Variants in DGKI observed in about 807,000 individuals in gnomAD.
DGKI encodes the protein diacylglycerol kinase iota.
A neutral mutation model predicts 147.5 loss-of-function variants in DGKI; 55 were observed. The observed-to-expected ratio is 0.37, with a 90% confidence interval of 0.30 to 0.47. The LOEUF (loss-of-function observed/expected upper bound fraction) is 0.47. DGKI is among the 20% of genes least tolerant of loss of function. The pLI is 1.00. For missense variants in DGKI, 1,007 were observed against 1,323.8 expected, an observed-to-expected ratio of 0.76 and a Z score of 3.71; for synonymous variants, 469 against 477.1, an observed-to-expected ratio of 0.98 and a Z score of 0.22.
intron 23 of DGKI, among the ~76,000 whole-genome samples, chr7:137,483,372 T>C (rs939355548): frequency 2.6e-5 from 4 of 152,166 alleles, no homozygotes; most frequent in Admixed American, 2.0e-4. Context: ...AATATCCTCA[T>C]AGTCTTATAA....
chr7:137,618,151 A>ATATATATATTT lies in DGKI; in HGVS notation c.993+1672_993+1673insAAATATATATA. Among the ~76,000 whole-genome samples, 30 of 10,462 alleles carry ATATATATATTT rather than the reference A, an allele frequency of 2.9e-3. 2 individuals are homozygous for ATATATATATTT. Among genetic ancestry groups the ATATATATATTT allele is most frequent in the African/African-American group, 3.1e-3 (25 of 8,006 alleles). The allele number at this position is 10,462 out of a possible 152,430, so 6.9% of individuals were successfully genotyped here. A position where few individuals can be genotyped will look rare whatever the true frequency, so the allele number is the denominator to read the frequency against. ...ACTATATATATATATATATATATAT[A>ATATATATATTT]TTTTTTTTTTTTTACTCTATCATTC... On this transcript the variant is annotated intron_variant, in intron 8 of 32. Coordinates refer to ENST00000614521, the MANE Select transcript of DGKI (RefSeq NM_001321708.2).
intron 3 of DGKI, among the ~76,000 whole-genome samples, chr7:137,678,176 C>A (rs918749132): frequency 6.6e-6 from 1 of 152,108 alleles, no homozygotes; most frequent in Non-Finnish European, 1.5e-5. Flanking sequence ...ACTGTGGCCA[C>A]TTCCCTACAG....
chr7:137,559,544 AT>A lies in DGKI; in HGVS notation c.1948-6977del, dbSNP rs563109409. Among the ~76,000 whole-genome samples, 470 of 152,308 alleles carry A rather than the reference AT, an allele frequency of 3.1e-3. 4 individuals are homozygous for A. The highest frequency in any genetic ancestry group is 0.011 in the African/African-American group (449 of 41,550). ...ACCTCCCTTCTGCAAATTAAAAAAA[AT>A]AGTAGCAATTATTGCATACTTACTA... On this transcript the variant is annotated intron_variant, in intron 19 of 32. Transcript: ENST00000614521.
intron 28 of DGKI, among the ~76,000 whole-genome samples, chr7:137,427,432 C>T (rs1812864473): frequency 6.6e-6 from 1 of 151,956 alleles, no homozygotes; most frequent in Non-Finnish European, 1.5e-5. Flanking sequence ...GCACTAAATG[C>T]CCACAAGAGA....
intron 1 of DGKI, among the ~76,000 whole-genome samples, chr7:137,700,094 A>G (rs1303803123): frequency 3.3e-5 from 5 of 152,206 alleles, no homozygotes; most frequent in African/African-American, 1.2e-4. Context: ...TGTCAGGCCT[A>G]GGCACAATGG....
chr7:137,599,234 A>G (rs1346824028), intron 11 of DGKI, among the ~76,000 whole-genome samples: 2 of 152,156 alleles, frequency 1.3e-5, no homozygotes, highest in African/African-American at 4.8e-5. Context: ...GTCACCTACA[A>G]TCTAGACTTT....
intron 1 of DGKI, among the ~76,000 whole-genome samples, chr7:137,696,080 G>A (rs1823770643): frequency 1.3e-5 from 2 of 152,150 alleles, no homozygotes; most frequent in African/African-American, 4.8e-5. Context: ...CTAGGTACAT[G>A]GTAAATCTCT....
intron 3 of DGKI, among the ~76,000 whole-genome samples, chr7:137,667,686 C>T (rs1822689396): frequency 6.6e-6 from 1 of 152,152 alleles, no homozygotes; most frequent in Non-Finnish European, 1.5e-5. Context: ...CGATATCAAG[C>T]TGTGGTAAGT....
chr7:137,458,728 T>G (rs1183091250), intron 27 of DGKI, among the ~76,000 whole-genome samples: 1 of 152,234 alleles, frequency 6.6e-6, no homozygotes, highest in East Asian at 1.9e-4. Context: ...CAAATAGATT[T>G]GGTCTGCTAA....
chr7:137,835,130 T>C (rs564849863), intron 1 of DGKI, among the ~76,000 whole-genome samples: 2 of 152,344 alleles, frequency 1.3e-5, no homozygotes, highest in South Asian at 2.1e-4. Context: ...TTTTGTTCTA[T>C]ACCATGTCAT....
At chr7:137,500,244 C>T (rs1255936013) in intron 21 of DGKI, among the ~76,000 whole-genome samples, 2 of 152,164 alleles carry the variant, frequency 1.3e-5, no homozygotes, top group Non-Finnish European at 2.9e-5. Context: ...CATTAACCCT[C>T]TTTCCCTATT....
At chr7:137,748,973 G>A (rs1331666951) in intron 1 of DGKI, among the ~76,000 whole-genome samples, 1 of 152,138 alleles carries the variant, frequency 6.6e-6, no homozygotes, top group Non-Finnish European at 1.5e-5. Context: ...TTAGTATCGT[G>A]CCTTATAGAC....
chr7:137,522,796 T>C (rs1817008819), intron 20 of DGKI, among the ~76,000 whole-genome samples: 1 of 152,130 alleles, frequency 6.6e-6, no homozygotes, highest in African/African-American at 2.4e-5. Flanking sequence ...ATAATTTGGT[T>C]TTCATCACCA....
chr7:137,734,522 C>T (rs1794968583), intron 1 of DGKI, among the ~76,000 whole-genome samples: 2 of 151,906 alleles, frequency 1.3e-5, no homozygotes, highest in South Asian at 4.1e-4. Context: ...TGGGGAGAAC[C>T]AGCTGCCTTC....
At chr7:137,558,096 CAGCT>C (rs1470101614) in intron 19 of DGKI, among the ~76,000 whole-genome samples, 2 of 152,182 alleles carry the variant, frequency 1.3e-5, no homozygotes, top group African/African-American at 2.4e-5. Flanking sequence ...TTGATATACT[CAGCT>C]AGTCACCAAA....
intron 1 of DGKI, among the ~76,000 whole-genome samples, chr7:137,845,535 T>C (rs1043401167): frequency 2.0e-5 from 3 of 152,172 alleles, no homozygotes; most frequent in Non-Finnish European, 2.9e-5. Context: ...ACCTCGACCT[T>C]TAACATCGAT....
chr7:137,427,717 A>G (rs1254008038), intron 28 of DGKI, among the ~76,000 whole-genome samples: 1 of 152,094 alleles, frequency 6.6e-6, no homozygotes, highest in African/African-American at 2.4e-5. Flanking sequence ...GATAAAGGGG[A>G]TATCACCACT....
chr7:137,772,864 G>A (rs1796248976), intron 1 of DGKI, among the ~76,000 whole-genome samples: 1 of 152,160 alleles, frequency 6.6e-6, no homozygotes, highest in Non-Finnish European at 1.5e-5. Flanking sequence ...GGATGATGAA[G>A]GCATAAGTCA....
intron 1 of DGKI, among the ~76,000 whole-genome samples, chr7:137,793,139 T>C (rs1796909839): frequency 2.0e-5 from 3 of 152,226 alleles, no homozygotes; most frequent in Non-Finnish European, 2.9e-5. Flanking sequence ...GTCTCTACTT[T>C]GTAATACTAG....
Sources: gnomAD v4.1 joint callset for allele counts (sites outside exome capture counted in the v4.1 genomes callset) on GRCh38, gnomAD v4.1.1 for gene constraint, MANE v1.5 for transcripts, NCBI Gene and HGNC (gene_info 2026-07-23, HGNC 2026-07-21) for gene names.